The following EVPL variants were observed in gnomAD, a reference collection of about 807,000 sequenced individuals.
EVPL encodes the protein 210 kDa cornified envelope precursor protein.
EVPL carries 94 observed loss-of-function variants against 129.7 expected under a neutral mutation model. The observed-to-expected ratio is 0.72, with a 90% CI of 0.61 to 0.86. The LOEUF is 0.86. Ranked by LOEUF, EVPL falls within the 40% of genes least tolerant of loss-of-function variation. The probability of loss-of-function intolerance (pLI) is 0.00; values close to 1 mark genes in which losing one functional copy is unlikely to be tolerated. For synonymous variants in EVPL, 1,172 were observed against 1,191.1 expected (o/e 0.98, Z 0.33); for missense variants, 2,625 against 2,721.1 (o/e 0.96, Z 0.79).
Position 76,013,352 on chromosome 17 carries a change from G to C in EVPL, c.2373+1074C>G, listed in dbSNP as rs367578925. Among the ~76,000 whole-genome samples the C allele has an allele frequency of 6.6e-6, 1 of 152,116 alleles. No homozygotes were observed. The highest frequency in any genetic ancestry group is 1.5e-5 in the Non-Finnish European group (1 of 68,024). ...ATATTCTCATTTTCCGGCAGTCCCA[G>C]ACCCATCTTTGCTCTCACGAGCTCC... is the stretch of plus-strand genomic sequence containing the variant. On this transcript the variant is annotated intron_variant, in intron 18 of 21. Transcript: ENST00000301607. This position sits in a 1 kb window ranked among gnomAD's most constrained non-coding sequence, Gnocchi z 4.3.
chr17:76,008,777 C>A lies in EVPL; in HGVS notation c.4428G>T (p.Lys1476Asn), dbSNP rs199551812. 64 of 1,614,048 alleles carry A rather than the reference C, an allele frequency of 4.0e-5. No homozygotes were observed. The highest frequency in any genetic ancestry group is 5.2e-5 in the Non-Finnish European group (61 of 1,180,032). ...GGTCCCACCGCAGGGCTTCCGTGGA[C>A]TTCTCCAGGTCCGGGTCCTTCTCCA... is the stretch of plus-strand genomic sequence containing the variant. ...VKLEKDPDLEKSTEALRWDLD... is the reference protein window; with the variant it reads ...VKLEKDPDLENSTEALRWDLD... The change falls in exon 22 of 22, where the codon AAG becomes AAT. Residue 1476 changes from lysine (K) to asparagine (N), a missense_variant. Physicochemically the swap from Lys to Asn is moderately conservative, Grantham distance 94. Coordinates refer to ENST00000301607, the MANE Select transcript of EVPL (RefSeq NM_001988.4). The surrounding 1 kb of genome is among the most constrained non-coding windows in gnomAD (Gnocchi z 7.4).
intron 1 of EVPL, among the ~76,000 whole-genome samples, chr17:76,025,808 C>A (rs771701575): frequency 6.6e-6 from 1 of 152,204 alleles, no homozygotes; most frequent in Non-Finnish European, 1.5e-5. Context: ...CCTCTGCAGA[C>A]GAGCTGAAGC....
Position 76,021,967 on chromosome 17 carries a change from G to A in EVPL, c.707C>T (p.Thr236Met), listed in dbSNP as rs1335825167. ...CTCAGCCAGGGCGCTCAGCTGCCGC[G>A]TGCAGCCCTGGAGGTGCGTGTACAG... The part of the protein sequence containing the change: ...GSLYTHLQGC[T>M]RQLSALAEQQ... Residue 236 changes from threonine (T) to methionine (M), a missense_variant, in exon 7 of 22, where the codon ACG becomes ATG. Coordinates refer to ENST00000301607, the MANE Select transcript of EVPL (RefSeq NM_001988.4). 2.6e-6 allele frequency: 4 copies of A among 1,561,616 alleles called. No individual in the cohort carries two copies. Among genetic ancestry groups the A allele is most frequent in the African/African-American group, 1.4e-5 (1 of 73,950 alleles).
Position 76,009,478 on chromosome 17 carries a change from C to A in EVPL, c.3727G>T (p.Ala1243Ser), listed in dbSNP as rs554283625. The change falls in exon 22 of 22, where the codon GCC (alanine) becomes TCC (serine). Residue 1243 changes from alanine (A) to serine (S), a missense_variant. Physicochemically the swap from Ala to Ser is moderately conservative, Grantham distance 99. Transcript: ENST00000301607. The surrounding 1 kb of genome is among the most constrained non-coding windows in gnomAD (Gnocchi z 5.9). ...TTGTACTCCACCGTGGGCTTCTGGG[C>A]CCGCAGGACCTCCAGGTCGGGCAGC... is the stretch of plus-strand genomic sequence containing the variant. ...KLLPDLEVLR[A>S]QKPTVEYKEV... 6.2e-7 allele frequency: 1 copy of A among 1,614,152 alleles called. No individual in the cohort carries two copies. Among genetic ancestry groups the A allele is most frequent in the Non-Finnish European group, 8.5e-7 (1 of 1,180,042 alleles).
At position 76,022,421 on chromosome 17, in the gene EVPL, C is replaced by A; in HGVS notation, c.598G>T (p.Val200Leu). ...CCTCCAGGCTCACCTACCGGCCCCA[C>A]GAGGCTCCGCAGCTGCTGCCCATAG... ...DAYGQQLRSL[V>L]GPDAATIRSQ... is the part of the protein sequence containing the mutation. The change falls in exon 5 of 22, where the codon GTG becomes TTG. Residue 200 changes from valine (V) to leucine (L), a missense_variant. By Grantham distance (32) the Val-to-Leu change is conservative. Transcript: ENST00000301607. This position sits in a 1 kb window ranked among gnomAD's most constrained non-coding sequence, Gnocchi z 5.6. The A allele has an allele frequency of 6.2e-7, 1 of 1,613,700 alleles. No individual in the cohort carries two copies. Among genetic ancestry groups the A allele is most frequent in the Non-Finnish European group, 8.5e-7 (1 of 1,179,950 alleles).
intron 18 of EVPL, 144 bp from the exon 19 acceptor site, chr17:76,012,233 C>A (rs909460195): frequency 2.5e-5 from 15 of 591,442 alleles, no homozygotes; most frequent in Middle Eastern, 4.5e-4. Flanking sequence ...GGGCCAAACT[C>A]CCTCCTTTCC....
At chr17:76,020,745 CAG>C (rs980412634) in intron 9 of EVPL, among the ~76,000 whole-genome samples, 2 of 151,616 alleles carry the variant, frequency 1.3e-5, no homozygotes, top group Non-Finnish European at 2.9e-5. Context: ...TGTATAGAGA[CAG>C]GGTCTTGCTA....
intron 21 of EVPL, 113 bp from the exon 22 acceptor site, chr17:76,010,656 C>T: frequency 1.7e-6 from 2 of 1,196,336 alleles, no homozygotes; most frequent in Non-Finnish European, 2.3e-6. Context: ...AGTGGGTCCT[C>T]AGAGGTGGAG....
chr17:76,014,889 C>T lies in EVPL; in HGVS notation c.2222+27G>A, dbSNP rs78258919. ...GCCTGGCTCTGCACCAGCCCACACCCTGTGCCCCGAGGACCCAGTCGCTCA... is the reference window on the plus strand; with the variant it reads ...GCCTGGCTCTGCACCAGCCCACACCTTGTGCCCCGAGGACCCAGTCGCTCA... On this transcript the variant is annotated intron_variant, in intron 17 of 21. Coordinates refer to ENST00000301607, the MANE Select transcript of EVPL (RefSeq NM_001988.4). 1.2e-3 allele frequency: 1,940 copies of T among 1,562,210 alleles called. 19 individuals are homozygous for T. In the African/African-American group the frequency reaches 0.023, roughly 18 times the overall value.
chr17:76,021,715 G>T lies in EVPL; in HGVS notation c.874C>A (p.Arg292Ser). Reference sequence around the variant, plus strand: ...GCGGGGTGCCGCAGCTCCACCATGCGCTCGCCGTCGTCCTCCAGCTGGTTC... The same window carrying T: ...GCGGGGTGCCGCAGCTCCACCATGCTCTCGCCGTCGTCCTCCAGCTGGTTC... Reference protein sequence around the residue: ...SVNQLEDDGERMVELRHPAVG... With the variant: ...SVNQLEDDGESMVELRHPAVG... Residue 292 changes from arginine to serine, a missense_variant, in exon 8 of 22, where the codon CGC becomes AGC. Arg to Ser is a moderately radical substitution (Grantham distance 110). This residue lies in a region of EVPL where 1,024 missense variants were observed against 997.5 expected (regional missense o/e 1.03). Transcript: ENST00000301607. 6.2e-7 allele frequency: 1 copy of T among 1,609,704 alleles called. No homozygotes were observed. The highest frequency in any genetic ancestry group is 1.7e-5 in the Admixed American group (1 of 59,868).
In EVPL at chr17:76,023,543, C is replaced by T. The variant is rs1431183343; in HGVS notation, c.310G>A (p.Ala104Thr). The change falls in exon 3 of 22, where the codon GCC becomes ACC. Residue 104 changes from alanine (A) to threonine (T), a missense_variant. Ala to Thr is a moderately conservative substitution (Grantham distance 58, BLOSUM62 0). Transcript: ENST00000301607. ...LKDLFLDVDK[A>T]RRLKHPQAEE... The stretch of plus-strand genomic sequence containing the variant: ...GCCTGCGGGTGCTTGAGCCGCCGGG[C>T]CTTGTCCACGTCCAGGAAGAGGTCC... The T allele has an allele frequency of 6.2e-7, 1 of 1,613,308 alleles. No individual in the cohort carries two copies. The highest frequency in any genetic ancestry group is 1.3e-5 in the African/African-American group (1 of 74,934).
chr17:76,016,606 AC>A (rs2066420708), intron 14 of EVPL, among the ~76,000 whole-genome samples: 1 of 152,120 alleles, frequency 6.6e-6, no homozygotes, highest in Non-Finnish European at 1.5e-5. Flanking sequence ...ACAAAGCAAG[AC>A]CCCGTCTCAA....
Position 76,008,407 on chromosome 17 carries a change from G to T in EVPL, c.4798C>A (p.Arg1600=), listed in dbSNP as rs1268381073. 6.3e-6 allele frequency: 10 copies of T among 1,592,688 alleles called. No individual in the cohort carries two copies. The highest frequency in any genetic ancestry group is 7.7e-6 in the Non-Finnish European group (9 of 1,175,478). ...QECGRLQQEL[R]ALERQKQQQT... is the part of the protein sequence containing the mutation. Reference sequence around the variant, plus strand: ...TGCTGCTTCTGCCTCTCCAGAGCCCGCAGCTCCTGCTGCAGCCGCCCACAC... The same window carrying T: ...TGCTGCTTCTGCCTCTCCAGAGCCCTCAGCTCCTGCTGCAGCCGCCCACAC... Residue 1600 remains arginine, a synonymous_variant, in exon 22 of 22, where the codon CGG becomes AGG. Coordinates refer to ENST00000301607, the MANE Select transcript of EVPL (RefSeq NM_001988.4). This position sits in a 1 kb window ranked among gnomAD's most constrained non-coding sequence, Gnocchi z 7.4.
intron 18 of EVPL, chr17:76,012,295 G>T: frequency 3.9e-6 from 2 of 506,478 alleles, no homozygotes; most frequent in Non-Finnish European, 6.9e-6. Context: ...CACCTTGGCA[G>T]AATCCCTTTC....
In EVPL at chr17:76,010,499, C is replaced by G. The variant is rs779893010; in HGVS notation, c.2706G>C (p.Gln902His). ...EDIRRTHDAK[Q>H]GSESPAQAGR... is the part of the protein sequence containing the mutation. ...CTGCTTGGGCAGGGCTCTCGGAGCC[C>G]TGCTTTGCATCATGGGTCCTTCGGA... The change falls in exon 22 of 22, where the codon CAG (glutamine) becomes CAC (histidine). Residue 902 changes from glutamine (Q) to histidine (H), a missense_variant. Transcript: ENST00000301607. The G allele has an allele frequency of 1.2e-6, 2 of 1,613,962 alleles. No individual in the cohort carries two copies. The highest frequency in any genetic ancestry group is 1.3e-5 in the African/African-American group (1 of 74,992).
intron 11 of EVPL, 145 bp from the exon 12 acceptor site, chr17:76,018,745 A>G: frequency 1.6e-6 from 2 of 1,222,098 alleles, no homozygotes; most frequent in Non-Finnish European, 2.2e-6. Flanking sequence ...GGGGTAGAAA[A>G]GAGGCAGGAC....
intron 14 of EVPL, among the ~76,000 whole-genome samples, chr17:76,017,107 G>A (rs1178917712): frequency 1.3e-5 from 2 of 151,986 alleles, no homozygotes; most frequent in South Asian, 2.1e-4. Context: ...CAGCTACTCC[G>A]GAGGTTGAGG....
In EVPL at chr17:76,023,432, G is replaced by A. The variant is rs369007061; in HGVS notation, c.354-14C>T. 8.2e-4 allele frequency: 1,325 copies of A among 1,613,564 alleles called. 8 individuals carry two copies. Among genetic ancestry groups the A allele is most frequent in the South Asian group, 5.4e-3 (494 of 91,064 alleles). ...AGCTGCTTGATGCTGTCAAGAAGGT[G>A]GCCGGCAGGTCAGGGCTGGACCTGG... On this transcript the variant is annotated splice_polypyrimidine_tract_variant and intron_variant, in intron 3 of 21. Transcript: ENST00000301607.
At chr17:76,025,775 T>A (rs1217897574) in intron 1 of EVPL, among the ~76,000 whole-genome samples, 1 of 152,232 alleles carries the variant, frequency 6.6e-6, no homozygotes, top group African/African-American at 2.4e-5. Context: ...CTCGACACCC[T>A]GGACCCAGGC....
Sources: allele counts gnomAD v4.1 joint callset (sites outside exome capture counted in the v4.1 genomes callset), GRCh38; gene constraint gnomAD v4.1.1; regional missense constraint gnomAD v4.1.1; non-coding constraint Gnocchi (gnomAD v3.1); transcripts MANE v1.5; gene names NCBI Gene and HGNC (gene_info 2026-07-23, HGNC 2026-07-21).